Variants in MAST4 observed in about 807,000 individuals in gnomAD.
The protein encoded by MAST4 is microtubule-associated serine/threonine-protein kinase 4.
In MAST4, 89 loss-of-function variants were observed where a neutral mutation model predicts 162.7. That is an observed-to-expected ratio of 0.55 (90% confidence interval 0.46 to 0.65). MAST4 has a LOEUF of 0.65. Among genes scored for constraint, MAST4 ranks in the 30% least tolerant of loss-of-function variants. The probability of loss-of-function intolerance (pLI) is 0.00; values close to 1 mark genes in which losing one functional copy is unlikely to be tolerated. For missense variants in MAST4, 3,153 were observed against 3,374.0 expected, an observed-to-expected ratio of 0.93 and a Z score of 1.62; for synonymous variants, 1,479 against 1,361.1, an observed-to-expected ratio of 1.09 and a Z score of -1.91.
At chr5:66,922,603 A>T (rs1211143343) in intron 4 of MAST4, among the ~76,000 whole-genome samples, 1 of 152,236 alleles carries the variant, frequency 6.6e-6, no homozygotes. Context: ...TACTTGCAAA[A>T]AAAATACTGT....
chr5:66,625,545 G>T (rs1289886581), intron 1 of MAST4, among the ~76,000 whole-genome samples: 1 of 152,134 alleles, frequency 6.6e-6, no homozygotes, highest in Non-Finnish European at 1.5e-5. Context: ...ATAGGTACTT[G>T]TCAAAAGAGA....
At chr5:67,079,359 ATAAT>A (rs997327228) in intron 5 of MAST4, among the ~76,000 whole-genome samples, 6 of 152,184 alleles carry the variant, frequency 3.9e-5, no homozygotes, top group Admixed American at 1.3e-4. Flanking sequence ...CTTTATATAA[ATAAT>A]AGAGCATTAT....
intron 2 of MAST4, among the ~76,000 whole-genome samples, chr5:66,787,727 T>C (rs570231082): frequency 6.6e-6 from 1 of 152,228 alleles, no homozygotes; most frequent in African/African-American, 2.4e-5. Flanking sequence ...TGAGATTCTT[T>C]GTGTGGTCTG....
intron 3 of MAST4, among the ~76,000 whole-genome samples, chr5:66,874,834 C>T (rs546852333): frequency 1.3e-5 from 2 of 152,294 alleles, no homozygotes; most frequent in South Asian, 2.1e-4. Context: ...TTTCTCACTA[C>T]TATAAACCTT....
chr5:67,047,693 C>G (rs1004030067), intron 4 of MAST4, among the ~76,000 whole-genome samples: 1 of 152,162 alleles, frequency 6.6e-6, no homozygotes, highest in Admixed American at 6.5e-5. Context: ...CTTAGGCACT[C>G]AGAAAGTAAT....
chr5:67,034,021 C>G (rs1456081836), intron 4 of MAST4, among the ~76,000 whole-genome samples: 1 of 152,122 alleles, frequency 6.6e-6, no homozygotes, highest in Non-Finnish European at 1.5e-5. Context: ...GACCACATTT[C>G]AAATAAGAGA....
intron 4 of MAST4, among the ~76,000 whole-genome samples, chr5:67,021,688 T>C (rs1754001636): frequency 6.6e-6 from 1 of 152,212 alleles, no homozygotes; most frequent in Non-Finnish European, 1.5e-5. Context: ...AGACTAAGAC[T>C]GAGAATAGAC....
chr5:66,694,507 G>A (rs1223649546), intron 1 of MAST4, among the ~76,000 whole-genome samples: 2 of 150,590 alleles, frequency 1.3e-5, no homozygotes, highest in Non-Finnish European at 3.0e-5. Flanking sequence ...CTTTTTTTGA[G>A]TTGGAATCTC....
intron 1 of MAST4, among the ~76,000 whole-genome samples, chr5:66,700,796 T>TAC (rs1198448659): frequency 9.4e-4 from 110 of 116,866 alleles, no homozygotes; most frequent in African/African-American, 2.9e-3. Flanking sequence ...TATATATATA[T>TAC]ATATACACAC....
intron 1 of MAST4, among the ~76,000 whole-genome samples, chr5:66,658,122 C>A (rs1453328455): frequency 6.6e-6 from 1 of 152,148 alleles, no homozygotes; most frequent in Non-Finnish European, 1.5e-5. Context: ...TGAAGAGAAG[C>A]ATTAAGTGGA....
chr5:66,740,428 A>G (rs1187059053), intron 1 of MAST4, among the ~76,000 whole-genome samples: 1 of 152,202 alleles, frequency 6.6e-6, no homozygotes, highest in Non-Finnish European at 1.5e-5. Flanking sequence ...GTCCACATGG[A>G]AAATGCTGTA....
chr5:66,627,138 G>A (rs1744483870), intron 1 of MAST4, among the ~76,000 whole-genome samples: 1 of 152,118 alleles, frequency 6.6e-6, no homozygotes, highest in African/African-American at 2.4e-5. Context: ...TTACAATTTG[G>A]GCGGAAGGGG....
intron 5 of MAST4, among the ~76,000 whole-genome samples, chr5:67,077,514 C>T (rs747124124): frequency 2.6e-5 from 4 of 152,158 alleles, no homozygotes; most frequent in Non-Finnish European, 5.9e-5. Flanking sequence ...AAGAGTATTG[C>T]CAGCTGGCCC....
At chr5:66,921,940 AT>A in intron 4 of MAST4, among the ~76,000 whole-genome samples, 1 of 152,262 alleles carries the variant, frequency 6.6e-6, no homozygotes, top group East Asian at 1.9e-4. Context: ...ATTTGGTAAG[AT>A]GGTACCATCT....
At chr5:67,029,621 ATGGTGTGTTTTG>A (rs1755075863) in intron 4 of MAST4, among the ~76,000 whole-genome samples, 2 of 152,126 alleles carry the variant, frequency 1.3e-5, no homozygotes, top group African/African-American at 2.4e-5. Context: ...TGGCAAGGTG[ATGGTGTGTTTTG>A]ATTGTTGGGT....
At chr5:66,657,291 A>G (rs1746614603) in intron 1 of MAST4, among the ~76,000 whole-genome samples, 1 of 152,334 alleles carries the variant, frequency 6.6e-6, no homozygotes, top group East Asian at 1.9e-4. Flanking sequence ...AAAAATTAGC[A>G]TTGTTTTAAC....
chr5:66,724,330 C>G lies in MAST4; in HGVS notation c.364-35379C>G, dbSNP rs189789320. Among the ~76,000 whole-genome samples the G allele has an allele frequency of 4.8e-3, 736 of 152,182 alleles. 3 individuals carry two copies. The highest frequency in any genetic ancestry group is 5.9e-3 in the Non-Finnish European group (398 of 67,994). The stretch of plus-strand genomic sequence containing the variant: ...TGATTTTGTGTATTGACCTGTCAAC[C>G]CTGGTTAACTAGCATGTCACAAAAC... On this transcript the variant is annotated intron_variant, in intron 1 of 28. Transcript: ENST00000403625.
intron 1 of MAST4, among the ~76,000 whole-genome samples, chr5:66,642,276 G>T (rs544974478): frequency 1.3e-5 from 2 of 152,152 alleles, no homozygotes; most frequent in Non-Finnish European, 2.9e-5. Context: ...TGAACCAGGG[G>T]AAACTGTGCA....
chr5:67,015,511 A>G (rs1159201), intron 4 of MAST4, among the ~76,000 whole-genome samples: 33,366 of 152,184 alleles, frequency 0.22, 4,083 homozygotes, highest in Non-Finnish European at 0.27. Context: ...TGTTAAGGCT[A>G]TTAGACAAAA....
Sources: gnomAD v4.1 joint callset for allele counts (sites outside exome capture counted in the v4.1 genomes callset) on GRCh38, gnomAD v4.1.1 for gene constraint, MANE v1.5 for transcripts, NCBI Gene and HGNC (gene_info 2026-07-23, HGNC 2026-07-21) for gene names.